WDPCP: variants seen among roughly 807,000 people sequenced by gnomAD.
The protein encoded by WDPCP is WD repeat-containing and planar cell polarity effector protein fritz homolog.
Under a neutral mutation model 93.1 loss-of-function variants are expected in WDPCP, and 71 were observed. The observed-to-expected ratio is 0.76, with a 90% CI of 0.63 to 0.93. The LOEUF (loss-of-function observed/expected upper bound fraction) is 0.93, where lower values mean the gene tolerates loss of function less well. Among genes scored for constraint, WDPCP ranks in the 40% least tolerant of loss-of-function variants. The pLI is 0.00. For missense variants in WDPCP, 844 were observed against 887.4 expected (o/e 0.95, Z 0.62); for synonymous variants, 315 against 315.0 (o/e 1.00, Z 0.00).
intron 17 of WDPCP, among the ~76,000 whole-genome samples, chr2:63,135,773 C>G (rs1670574745): frequency 6.6e-6 from 1 of 152,144 alleles, no homozygotes; most frequent in African/African-American, 2.4e-5. Flanking sequence ...ACTCTGTCAT[C>G]CAGGCTGGAG....
intron 13 of WDPCP, among the ~76,000 whole-genome samples, chr2:63,282,514 T>C (rs374392847): frequency 2.0e-5 from 3 of 151,880 alleles, no homozygotes; most frequent in African/African-American, 7.3e-5. Context: ...CATAAATAAA[T>C]AAACAAACAA....
intron 1 of WDPCP, among the ~76,000 whole-genome samples, chr2:63,539,428 A>G (rs115793309): frequency 0.016 from 2,455 of 152,132 alleles, 76 homozygotes; most frequent in African/African-American, 0.056. Flanking sequence ...AAAAAATTCA[A>G]CTCATGCCCG....
chr2:63,529,737 G>C (rs57414498), intron 1 of WDPCP, among the ~76,000 whole-genome samples: 2 of 151,066 alleles, frequency 1.3e-5, no homozygotes, highest in Non-Finnish European at 3.0e-5. Flanking sequence ...CATAAAATGA[G>C]TTAGGGATTG....
At position 63,281,618 on chromosome 2, in the gene WDPCP, T is replaced by C. The variant is rs965826334; in HGVS notation, c.1813-22209A>G. 2.6e-5 allele frequency among the ~76,000 whole-genome samples: 4 copies of C among 152,306 alleles called. No individual in the cohort carries two copies. The East Asian group carries it at 7.7e-4, about 29-fold the overall frequency. On this transcript the variant is annotated intron_variant, in intron 13 of 17. Transcript: ENST00000272321. ...GAGCGGATAAAGAAAATGTGATATATATATACTATGGAATACTACTCAGCC... is the reference window on the plus strand; with the variant it reads ...GAGCGGATAAAGAAAATGTGATATACATATACTATGGAATACTACTCAGCC...
At chr2:63,597,407 G>C in intron 3 of WDPCP, 4 of 1,427,180 alleles carry the variant, frequency 2.8e-6, no homozygotes, top group Non-Finnish European at 3.7e-6. Flanking sequence ...AGATGTCATC[G>C]CAACAGATAA....
At chr2:63,416,518 C>A (rs1695437380) in intron 9 of WDPCP, among the ~76,000 whole-genome samples, 1 of 55,542 alleles carries the variant, frequency 1.8e-5, no homozygotes, top group Non-Finnish European at 4.4e-5. Context: ...AGCATTAACA[C>A]CAAAAATACT....
intron 2 of WDPCP, among the ~76,000 whole-genome samples, chr2:63,705,045 G>A (rs1361846683): frequency 1.3e-5 from 2 of 152,122 alleles, no homozygotes; most frequent in Non-Finnish European, 2.9e-5. Context: ...ATGTGTTGAG[G>A]AATTTATCCA....
At chr2:63,334,513 G>C (rs1688213204) in intron 12 of WDPCP, among the ~76,000 whole-genome samples, 1 of 152,134 alleles carries the variant, frequency 6.6e-6, no homozygotes, top group Non-Finnish European at 1.5e-5. Context: ...GTAGACAAGA[G>C]ACAAATGGTT....
At position 63,382,230 on chromosome 2, in the gene WDPCP, A is replaced by G. The variant is rs1374846652; in HGVS notation, c.1436-136T>C. The G allele has an allele frequency of 1.1e-5, 9 of 795,908 alleles. No homozygotes were observed. In the Admixed American group the frequency reaches 2.2e-4, roughly 19 times the overall value. 49.3% of individuals were successfully genotyped at this position (795,908 alleles called of 1,614,324 possible). A position where few individuals can be genotyped will look rare whatever the true frequency, so the allele number is the denominator to read the frequency against. ...GAAATGTGGGACTGATCTCCTTCTC[A>G]ACTAATATTTGCTATAAGATACACT... On this transcript the variant is annotated intron_variant, in intron 10 of 17. Coordinates refer to ENST00000272321, the MANE Select transcript of WDPCP (RefSeq NM_015910.7).
At chr2:63,531,319 T>G (rs1703825415) in intron 1 of WDPCP, among the ~76,000 whole-genome samples, 1 of 152,210 alleles carries the variant, frequency 6.6e-6, no homozygotes, top group Non-Finnish European at 1.5e-5. Context: ...CATCCCTGTC[T>G]GACGATTTGA....
At chr2:63,493,047 T>C (rs559163027) in intron 1 of WDPCP, 107 bp from the exon 2 acceptor site, 2 of 931,008 alleles carry the variant, frequency 2.1e-6, no homozygotes, top group African/African-American at 3.3e-5. Context: ...ACAACTGTTA[T>C]TTGAAATATG....
At chr2:63,557,742 T>A (rs932587171) in intron 1 of WDPCP, among the ~76,000 whole-genome samples, 6 of 151,860 alleles carry the variant, frequency 4.0e-5, no homozygotes, top group Non-Finnish European at 5.9e-5. Flanking sequence ...ATCACATAAT[T>A]GAAAGTAAAA....
chr2:63,320,645 A>G (rs1157110747), intron 12 of WDPCP, among the ~76,000 whole-genome samples: 1 of 152,132 alleles, frequency 6.6e-6, no homozygotes, highest in African/African-American at 2.4e-5. Context: ...AACACTAAGG[A>G]TATAAATGTA....
At chr2:63,499,846 A>G (rs981953081) in intron 1 of WDPCP, among the ~76,000 whole-genome samples, 1 of 152,172 alleles carries the variant, frequency 6.6e-6, no homozygotes, top group Non-Finnish European at 1.5e-5. Flanking sequence ...GTAAATGGGT[A>G]CCAGTGCATT....
In WDPCP at chr2:63,371,499, AC is replaced by A. The variant is rs577631817; in HGVS notation, c.1748+6886del. ...TACTCTCAATTCCTTACAATAATCT[AC>A]AAAGTCCTGTATGACCTGGCCACTT... On this transcript the variant is annotated intron_variant, in intron 12 of 17. Coordinates refer to ENST00000272321, the MANE Select transcript of WDPCP (RefSeq NM_015910.7). 4.6e-5 allele frequency among the ~76,000 whole-genome samples: 7 copies of A among 152,238 alleles called. No individual in the cohort carries two copies. The South Asian group carries it at 1.5e-3, about 32-fold the overall frequency.
chr2:63,367,278 A>T (rs1446394379), intron 12 of WDPCP, among the ~76,000 whole-genome samples: 1 of 152,062 alleles, frequency 6.6e-6, no homozygotes, highest in Non-Finnish European at 1.5e-5. Context: ...GCCAAATTTC[A>T]TCTGTTTAAC....
chr2:63,211,226 C>A (rs1246380322), intron 14 of WDPCP, among the ~76,000 whole-genome samples: 1 of 152,186 alleles, frequency 6.6e-6, no homozygotes, highest in African/African-American at 2.4e-5. Context: ...TGACTGACAC[C>A]TCATACAGCC....
At chr2:63,776,291 C>T (rs779505193) in intron 2 of WDPCP, among the ~76,000 whole-genome samples, 50 of 151,444 alleles carry the variant, frequency 3.3e-4, no homozygotes, top group Non-Finnish European at 5.7e-4. Context: ...ACTATTGAAA[C>T]TCAATAATAA....
chr2:63,150,551 T>A (rs1671820550), intron 17 of WDPCP, among the ~76,000 whole-genome samples: 1 of 152,216 alleles, frequency 6.6e-6, no homozygotes, highest in African/African-American at 2.4e-5. Flanking sequence ...CTTTGCACTT[T>A]ACAACCTGGG....
Sources: allele counts gnomAD v4.1 joint callset (sites outside exome capture counted in the v4.1 genomes callset), GRCh38; gene constraint gnomAD v4.1.1; transcripts MANE v1.5; gene names NCBI Gene and HGNC (gene_info 2026-07-23, HGNC 2026-07-21).